FSTL5: variants seen among roughly 807,000 people sequenced by gnomAD.
FSTL5 encodes the protein follistatin-related protein 5.
FSTL5 carries 62 observed loss-of-function variants against 89.1 expected under a neutral mutation model. The observed-to-expected ratio is 0.70, with a 90% confidence interval of 0.57 to 0.86. The LOEUF (loss-of-function observed/expected upper bound fraction) is 0.86, where lower values mean the gene tolerates loss of function less well. FSTL5 is among the 40% of genes least tolerant of loss of function. The pLI is 0.00. For synonymous variants in FSTL5, 383 were observed against 346.2 expected (o/e 1.11, Z -1.18); for missense variants, 1,057 against 1,001.6 (o/e 1.06, Z -0.75).
intron 3 of FSTL5, among the ~76,000 whole-genome samples, chr4:161,975,805 AT>A (rs1384119062): frequency 6.8e-6 from 1 of 147,928 alleles, no homozygotes; most frequent in Non-Finnish European, 1.5e-5. Context: ...AAAATAAAAA[AT>A]AAATAAAAAA....
intron 3 of FSTL5, among the ~76,000 whole-genome samples, chr4:161,994,609 G>A (rs772701841): frequency 1.2e-4 from 18 of 152,194 alleles, no homozygotes; most frequent in Admixed American, 5.2e-4. Context: ...CTGCGGTTTC[G>A]TTTGCATTTC....
At chr4:161,391,630 C>G (rs1730826336) in intron 15 of FSTL5, among the ~76,000 whole-genome samples, 1 of 152,158 alleles carries the variant, frequency 6.6e-6, no homozygotes, top group African/African-American at 2.4e-5. Flanking sequence ...CCTTCCTACT[C>G]AAGTACCAGA....
intron 4 of FSTL5, among the ~76,000 whole-genome samples, chr4:161,782,519 T>G (rs1741710293): frequency 6.6e-6 from 1 of 152,132 alleles, no homozygotes; most frequent in African/African-American, 2.4e-5. Flanking sequence ...AGACCTTAGT[T>G]CCTTTATCCT....
intron 4 of FSTL5, among the ~76,000 whole-genome samples, chr4:161,796,739 A>G (rs933811673): frequency 1.7e-4 from 26 of 151,526 alleles, no homozygotes; most frequent in Admixed American, 1.7e-3. Flanking sequence ...ATATTTTATT[A>G]TACATATTTA....
Position 161,473,424 on chromosome 4 carries a change from AT to A in FSTL5, c.1608+7595del, listed in dbSNP as rs70937654. 3.9e-3 allele frequency among the ~76,000 whole-genome samples: 510 copies of A among 129,752 alleles called. 3 individuals carry two copies. The highest frequency in any genetic ancestry group is 0.013 in the African/African-American group (445 of 33,706). 85.1% of individuals were successfully genotyped at this position (129,752 alleles called of 152,430 possible). A position where few individuals can be genotyped will look rare whatever the true frequency, so the allele number is the denominator to read the frequency against. On this transcript the variant is annotated intron_variant, in intron 13 of 15. Coordinates refer to ENST00000306100, the MANE Select transcript of FSTL5 (RefSeq NM_020116.5). ...ATTATCTCCCTCTTTGTCTCTTGTA[AT>A]TTTTTTTTTTTTTTTTCTGGGACAG...
intron 2 of FSTL5, among the ~76,000 whole-genome samples, chr4:162,046,410 G>T (rs1262371357): frequency 6.6e-6 from 1 of 152,088 alleles, no homozygotes; most frequent in Non-Finnish European, 1.5e-5. Flanking sequence ...TTTACTCGGG[G>T]AAAAGAGCAT....
intron 2 of FSTL5, among the ~76,000 whole-genome samples, chr4:162,106,579 A>C (rs1731236232): frequency 1.3e-5 from 2 of 152,200 alleles, no homozygotes; most frequent in Admixed American, 1.3e-4. Flanking sequence ...GAAAATTACA[A>C]CCAAGCAAGT....
chr4:161,971,624 A>C (rs1039990980), intron 3 of FSTL5, among the ~76,000 whole-genome samples: 1 of 152,118 alleles, frequency 6.6e-6, no homozygotes, highest in Non-Finnish European at 1.5e-5. Context: ...TTAAATATGT[A>C]ATATGGGTTA....
chr4:161,792,081 C>A (rs1343865770), intron 4 of FSTL5, among the ~76,000 whole-genome samples: 2 of 152,172 alleles, frequency 1.3e-5, no homozygotes, highest in Non-Finnish European at 2.9e-5. Flanking sequence ...GTTCCTCCAT[C>A]CCCCGCAGGC....
At chr4:162,006,617 A>C (rs1004424873) in intron 3 of FSTL5, among the ~76,000 whole-genome samples, 1 of 152,014 alleles carries the variant, frequency 6.6e-6, no homozygotes, top group East Asian at 1.9e-4. Flanking sequence ...AACAAGAAAA[A>C]TTTCAATTTT....
rs1732244233 is a variant in FSTL5, at chr4:161,428,595, G to T, written c.1841+26409C>A. ...CCCCCATTCCAGGCCCTCGCTCCTG[G>T]ATGACATTTCTAGACACACCCTGGG... is the stretch of plus-strand genomic sequence containing the variant. On this transcript the variant is annotated intron_variant, in intron 15 of 15. Coordinates refer to ENST00000306100, the MANE Select transcript of FSTL5 (RefSeq NM_020116.5). Among the ~76,000 whole-genome samples, 3 of 152,176 alleles carry T rather than the reference G, an allele frequency of 2.0e-5. No individual in the cohort carries two copies. In the South Asian group the frequency reaches 6.2e-4, roughly 32 times the overall value.
chr4:162,037,314 A>T (rs1256894497), intron 2 of FSTL5, among the ~76,000 whole-genome samples: 1 of 151,916 alleles, frequency 6.6e-6, no homozygotes, highest in Non-Finnish European at 1.5e-5. Context: ...CGAATTAAAC[A>T]TATTCAATCT....
rs960806419 is a variant in FSTL5, at chr4:161,385,679, A to C, written c.*68T>G. 9 of 1,181,576 alleles carry C rather than the reference A, an allele frequency of 7.6e-6. No individual in the cohort carries two copies. In the Admixed American group the frequency reaches 2.2e-4, roughly 28 times the overall value. The allele number at this position is 1,181,576 out of a possible 1,614,324, so 73.2% of individuals were successfully genotyped here. ...TATAAACTTGGAAAGTTAAGTTGTA[A>C]ATTTAAACAATGGATTAAGTGCAAT... is the stretch of plus-strand genomic sequence containing the variant. On this transcript the variant is annotated 3_prime_UTR_variant, in exon 16 of 16. Coordinates refer to ENST00000306100, the MANE Select transcript of FSTL5 (RefSeq NM_020116.5).
intron 5 of FSTL5, among the ~76,000 whole-genome samples, chr4:161,764,004 A>G (rs1740901478): frequency 6.6e-6 from 1 of 151,760 alleles, no homozygotes; most frequent in Non-Finnish European, 1.5e-5. Context: ...CCTTATTTTC[A>G]ACCAACACGT....
intron 8 of FSTL5, among the ~76,000 whole-genome samples, chr4:161,553,616 C>A (rs1198490060): frequency 6.6e-6 from 1 of 151,078 alleles, no homozygotes; most frequent in African/African-American, 2.4e-5. Context: ...AAAATACATT[C>A]TTAGCTTAAA....
At chr4:161,812,101 C>T (rs186403202) in intron 4 of FSTL5, among the ~76,000 whole-genome samples, 15 of 152,170 alleles carry the variant, frequency 9.9e-5, no homozygotes, top group African/African-American at 3.6e-4. Context: ...CATAAAATGG[C>T]AATGCAGCTG....
intron 10 of FSTL5, among the ~76,000 whole-genome samples, chr4:161,528,942 T>C (rs1342408443): frequency 7.1e-6 from 1 of 139,980 alleles, no homozygotes; most frequent in Non-Finnish European, 1.5e-5. Flanking sequence ...ATGCCTAAAG[T>C]CATATAAATA....
intron 6 of FSTL5, among the ~76,000 whole-genome samples, chr4:161,728,151 G>A (rs968858572): frequency 2.0e-5 from 3 of 152,132 alleles, no homozygotes; most frequent in African/African-American, 7.2e-5. Flanking sequence ...ACGGATCCAT[G>A]GAGAGATTTA....
chr4:162,124,351 T>C (rs1211220512), intron 1 of FSTL5, among the ~76,000 whole-genome samples: 2 of 152,204 alleles, frequency 1.3e-5, no homozygotes, highest in Non-Finnish European at 2.9e-5. Context: ...AGAACCCTTG[T>C]AATTCTGTAA....
Sources: gnomAD v4.1 joint callset for allele counts (sites outside exome capture counted in the v4.1 genomes callset) on GRCh38, gnomAD v4.1.1 for gene constraint, MANE v1.5 for transcripts, NCBI Gene and HGNC (gene_info 2026-07-23, HGNC 2026-07-21) for gene names.